Variants in CCDC170 observed in about 807,000 individuals in gnomAD.
The protein encoded by CCDC170 is coiled-coil domain-containing protein 170.
Under a neutral mutation model 72.6 loss-of-function variants are expected in CCDC170, and 69 were observed. The ratio of observed to expected loss-of-function variants is 0.95; its 90% CI spans 0.78 to 1.16. The LOEUF (loss-of-function observed/expected upper bound fraction) is 1.16, where lower values mean the gene tolerates loss of function less well. Ranked by LOEUF, CCDC170 falls within the 50% of genes most tolerant of loss-of-function variation. CCDC170 has a pLI of 0.00. For synonymous variants in CCDC170, 300 were observed against 303.9 expected, an observed-to-expected ratio of 0.99 and a Z score of 0.13; for missense variants, 852 against 832.5, an observed-to-expected ratio of 1.02 and a Z score of -0.29.
chr6:151,527,599 C>G (rs9383579), intron 1 of CCDC170, among the ~76,000 whole-genome samples: 21,705 of 151,994 alleles, frequency 0.14, 2,055 homozygotes, highest in East Asian at 0.49. Context: ...GTGAGAAAAA[C>G]ATGGACAGTA....
At chr6:151,566,978 T>C (rs1204875877) in intron 5 of CCDC170, among the ~76,000 whole-genome samples, 2 of 152,130 alleles carry the variant, frequency 1.3e-5, no homozygotes, top group African/African-American at 4.8e-5. Flanking sequence ...TGGAGTGCAA[T>C]GGTGCGATCT....
At chr6:151,594,935 G>A (rs970567016) in intron 8 of CCDC170, among the ~76,000 whole-genome samples, 5 of 152,194 alleles carry the variant, frequency 3.3e-5, no homozygotes, top group Non-Finnish European at 7.3e-5. Flanking sequence ...ACAGGCATGA[G>A]CCACCATGCC....
chr6:151,509,609 C>G (rs562555608), intron 1 of CCDC170, among the ~76,000 whole-genome samples: 4 of 152,202 alleles, frequency 2.6e-5, no homozygotes, highest in African/African-American at 9.6e-5. Flanking sequence ...TGAATGTGTA[C>G]AGTTATGAAC....
intron 5 of CCDC170, among the ~76,000 whole-genome samples, chr6:151,564,415 T>C (rs1776094624): frequency 6.6e-6 from 1 of 151,992 alleles, no homozygotes; most frequent in African/African-American, 2.4e-5. Flanking sequence ...CAAGAGTGCC[T>C]GTTCTTAGGC....
intron 6 of CCDC170, among the ~76,000 whole-genome samples, chr6:151,585,310 A>G (rs1328869076): frequency 2.6e-5 from 4 of 152,202 alleles, no homozygotes; most frequent in Admixed American, 6.5e-5. Flanking sequence ...GACCTCTCCA[A>G]TGCAAAAATG....
chr6:151,539,160 T>C (rs1782640125), intron 3 of CCDC170, among the ~76,000 whole-genome samples: 1 of 151,896 alleles, frequency 6.6e-6, no homozygotes, highest in South Asian at 2.1e-4. Flanking sequence ...CTCGAGAGGC[T>C]GAGATAAGAG....
At chr6:151,591,291 A>G (rs1776530781) in intron 7 of CCDC170, among the ~76,000 whole-genome samples, 1 of 152,218 alleles carries the variant, frequency 6.6e-6, no homozygotes, top group African/African-American at 2.4e-5. Flanking sequence ...ATGATGATAT[A>G]GAAAGCTCAT....
chr6:151,501,686 T>G (rs1781997176), intron 1 of CCDC170, among the ~76,000 whole-genome samples: 1 of 152,222 alleles, frequency 6.6e-6, no homozygotes, highest in Non-Finnish European at 1.5e-5. Flanking sequence ...AAACTTTTTC[T>G]TTGCATATTT....
chr6:151,572,463 G>T (rs191601110), intron 5 of CCDC170, among the ~76,000 whole-genome samples: 1 of 151,906 alleles, frequency 6.6e-6, no homozygotes, highest in African/African-American at 2.4e-5. Context: ...ATAAATTTCC[G>T]TATACACCAA....
intron 9 of CCDC170, among the ~76,000 whole-genome samples, chr6:151,596,856 C>T (rs771460555): frequency 1.2e-4 from 19 of 152,072 alleles, no homozygotes; most frequent in African/African-American, 2.9e-4. Context: ...GGAGGAGTTT[C>T]GCTCTTGTTG....
chr6:151,528,809 G>T (rs1408721615), intron 1 of CCDC170, among the ~76,000 whole-genome samples: 1 of 152,016 alleles, frequency 6.6e-6, no homozygotes, highest in Non-Finnish European at 1.5e-5. Flanking sequence ...CTGCACTCCA[G>T]CCTGGACAAC....
In CCDC170 at chr6:151,618,389, G is replaced by T. The variant is rs2115154127; in HGVS notation, c.*242G>T. ...GGATCCAGAAGAATTCCACCAGATT[G>T]CATGAGTTAGATTGGGAAATGGGAG... On this transcript the variant is annotated 3_prime_UTR_variant, in exon 11 of 11. Transcript: ENST00000239374. 2.0e-6 allele frequency: 1 copy of T among 490,706 alleles called. No homozygotes were observed. The highest frequency in any genetic ancestry group is 3.3e-5 in the East Asian group (1 of 30,224). 30.4% of individuals were successfully genotyped at this position (490,706 alleles called of 1,614,324 possible).
intron 1 of CCDC170, among the ~76,000 whole-genome samples, chr6:151,532,581 T>C (rs1782505681): frequency 6.7e-6 from 1 of 149,284 alleles, no homozygotes; most frequent in Non-Finnish European, 1.5e-5. Flanking sequence ...CACTCCAGCC[T>C]GGGTGAGAGG....
intron 5 of CCDC170, among the ~76,000 whole-genome samples, chr6:151,551,572 G>A (rs373796157): frequency 1.3e-5 from 2 of 152,322 alleles, no homozygotes; most frequent in African/African-American, 4.8e-5. Context: ...ACTTGCTCTT[G>A]AGGGAAGCCA....
intron 9 of CCDC170, among the ~76,000 whole-genome samples, chr6:151,606,893 A>G (rs150511158): frequency 9.2e-4 from 140 of 152,032 alleles, no homozygotes; most frequent in African/African-American, 2.7e-3. Context: ...TTTCTTACTT[A>G]AAATTTAGCT....
intron 7 of CCDC170, among the ~76,000 whole-genome samples, chr6:151,588,555 A>G (rs1776488400): frequency 6.6e-6 from 1 of 152,192 alleles, no homozygotes; most frequent in African/African-American, 2.4e-5. Flanking sequence ...TGTGAATGGA[A>G]ATAGGGGATA....
intron 9 of CCDC170, among the ~76,000 whole-genome samples, chr6:151,601,487 C>T (rs79475117): frequency 0.068 from 10,328 of 151,908 alleles, 527 homozygotes; most frequent in East Asian, 0.29. Flanking sequence ...AAAACAGAAG[C>T]AATTGGTCAG....
At chr6:151,545,037 GC>G (rs1461008985) in intron 4 of CCDC170, among the ~76,000 whole-genome samples, 60 of 152,202 alleles carry the variant, frequency 3.9e-4, no homozygotes, top group African/African-American at 1.3e-3. Context: ...TTTAGTTACA[GC>G]CAGACATATA....
intron 3 of CCDC170, among the ~76,000 whole-genome samples, chr6:151,543,548 T>G (rs999729526): frequency 4.6e-5 from 7 of 152,198 alleles, no homozygotes; most frequent in Admixed American, 1.3e-4. Context: ...AACTTACCCC[T>G]GCCATCTAGC....
Sources: gnomAD v4.1 joint callset for allele counts (sites outside exome capture counted in the v4.1 genomes callset) on GRCh38, gnomAD v4.1.1 for gene constraint, MANE v1.5 for transcripts, NCBI Gene and HGNC (gene_info 2026-07-23, HGNC 2026-07-21) for gene names.